Variants in PLEKHA7 observed in about 807,000 individuals in gnomAD.
The protein encoded by PLEKHA7 is pleckstrin homology domain-containing family A member 7.
In PLEKHA7, 104 loss-of-function variants were observed where a neutral mutation model predicts 170.0. The observed-to-expected ratio is 0.61, with a 90% CI of 0.52 to 0.72. The LOEUF is 0.72. Among genes scored for constraint, PLEKHA7 ranks in the 30% least tolerant of loss-of-function variants. The probability of loss-of-function intolerance (pLI) is 0.00; values close to 1 mark genes in which losing one functional copy is unlikely to be tolerated. For missense variants in PLEKHA7, 1,615 were observed against 1,671.7 expected, an observed-to-expected ratio of 0.97 and a Z score of 0.59; for synonymous variants, 648 against 660.8, an observed-to-expected ratio of 0.98 and a Z score of 0.30.
chr11:16,883,032 C>T (rs1855826969), intron 3 of PLEKHA7, among the ~76,000 whole-genome samples: 1 of 152,040 alleles, frequency 6.6e-6, no homozygotes, highest in Non-Finnish European at 1.5e-5. Flanking sequence ...AGTCAAGGGC[C>T]GTTCTAAGAT....
rs1331945727 is a variant in PLEKHA7, at chr11:16,851,256, A to G, written c.631T>C (p.Leu211=). 6.2e-7 allele frequency: 1 copy of G among 1,612,108 alleles called. No individual in the cohort carries two copies. The highest frequency in any genetic ancestry group is 2.2e-5 in the East Asian group (1 of 44,816). ...REEAVLGSIP[L]PSYVISPVAP... is the part of the protein sequence containing the mutation. The stretch of plus-strand genomic sequence containing the variant: ...ACAGGAGAGATCACGTAGCTGGGCA[A>G]GGGGATGCTCCCGAGGACCGCTTCT... The change falls in exon 8 of 27, where the codon TTG becomes CTG. Residue 211 remains leucine, a synonymous_variant. Coordinates refer to ENST00000531066, the MANE Select transcript of PLEKHA7 (RefSeq NM_001329630.2).
intron 3 of PLEKHA7, among the ~76,000 whole-genome samples, chr11:16,926,771 G>T (rs1859577747): frequency 2.0e-5 from 3 of 152,178 alleles, no homozygotes; most frequent in Admixed American, 6.5e-5. Flanking sequence ...GGCACATCTG[G>T]GCTTTTATCC....
At chr11:16,801,922 G>A in intron 15 of PLEKHA7, 105 bp from the exon 16 acceptor site, 1 of 1,416,648 alleles carries the variant, frequency 7.1e-7, no homozygotes, top group Non-Finnish European at 9.7e-7. Flanking sequence ...CAAGGCCGAA[G>A]GGATCAGCGC....
intron 4 of PLEKHA7, among the ~76,000 whole-genome samples, chr11:16,862,398 C>T (rs1199460338): frequency 6.6e-6 from 1 of 152,178 alleles, no homozygotes; most frequent in Admixed American, 6.5e-5. Flanking sequence ...TTTGGTGAGC[C>T]CTCTTCTAGC....
chr11:16,943,760 G>A (rs1426635697), intron 3 of PLEKHA7, among the ~76,000 whole-genome samples: 2 of 152,102 alleles, frequency 1.3e-5, no homozygotes, highest in Non-Finnish European at 1.5e-5. Context: ...CCTGAGACAC[G>A]AAGAACCTTC....
At chr11:16,974,332 C>T (rs1862920501) in intron 3 of PLEKHA7, among the ~76,000 whole-genome samples, 1 of 146,468 alleles carries the variant, frequency 6.8e-6, no homozygotes, top group Non-Finnish European at 1.5e-5. Context: ...ACCACAATTT[C>T]GTCATTGGGT....
chr11:16,906,456 G>T (rs112562247), intron 3 of PLEKHA7, among the ~76,000 whole-genome samples: 2 of 139,450 alleles, frequency 1.4e-5, no homozygotes, highest in Non-Finnish European at 1.5e-5. Flanking sequence ...GAGTGCCTGC[G>T]ATTGCAGGCA....
In PLEKHA7 at chr11:16,986,968, C is replaced by T. The variant is rs1012524409; in HGVS notation, c.221+27021G>A. ...ACACCGGCAAGGGCATTTCCAGCCA[C>T]ATTCTCCAGCCAGTCTTACTGCCCA... On this transcript the variant is annotated intron_variant, in intron 3 of 26. Coordinates refer to ENST00000531066, the MANE Select transcript of PLEKHA7 (RefSeq NM_001329630.2). 9.8e-5 allele frequency among the ~76,000 whole-genome samples: 15 copies of T among 152,336 alleles called. No individual in the cohort carries two copies. The South Asian group carries it at 3.1e-3, about 32-fold the overall frequency.
chr11:16,810,272 C>T (rs540167909), intron 13 of PLEKHA7, among the ~76,000 whole-genome samples: 1 of 152,232 alleles, frequency 6.6e-6, no homozygotes, highest in East Asian at 1.9e-4. Flanking sequence ...CTGATTCCAG[C>T]CCTTCCTTCA....
At chr11:16,811,546 C>T (rs1369071608) in intron 13 of PLEKHA7, among the ~76,000 whole-genome samples, 1 of 152,154 alleles carries the variant, frequency 6.6e-6, no homozygotes, top group Non-Finnish European at 1.5e-5. Flanking sequence ...CCCTGTCTGT[C>T]CCCACAGGCT....
chr11:16,948,620 A>C (rs895152291), intron 3 of PLEKHA7, among the ~76,000 whole-genome samples: 1 of 139,926 alleles, frequency 7.1e-6, no homozygotes, highest in African/African-American at 3.0e-5. Flanking sequence ...ACATGCACAC[A>C]CATGTGCACA....
At chr11:16,906,671 G>A (rs1197273932) in intron 3 of PLEKHA7, among the ~76,000 whole-genome samples, 3 of 139,396 alleles carry the variant, frequency 2.2e-5, no homozygotes, top group African/African-American at 9.4e-5. Flanking sequence ...ATCTCGGCTC[G>A]CTACAACCTC....
intron 3 of PLEKHA7, among the ~76,000 whole-genome samples, chr11:16,896,143 A>G (rs1324608024): frequency 6.6e-6 from 1 of 152,148 alleles, no homozygotes; most frequent in Non-Finnish European, 1.5e-5. Context: ...AGAGTCCCAG[A>G]TCCCTATATC....
rs754411932 is a variant in PLEKHA7 at position 16,801,795 on chromosome 11, T to A, written c.2180A>T (p.Glu727Val). 6.2e-7 allele frequency: 1 copy of A among 1,614,016 alleles called. No homozygotes were observed. Among genetic ancestry groups the A allele is most frequent in the South Asian group, 1.1e-5 (1 of 91,078 alleles). Residue 727 changes from glutamate to valine, a missense_variant, in exon 16 of 27, where the codon GAG (glutamate) becomes GTG (valine). By Grantham distance (121) the Glu-to-Val change is moderately radical. Transcript: ENST00000531066. ...ENKDQLESVL[E>V]VLHRQMEQYR... The stretch of plus-strand genomic sequence containing the variant: ...CTGCTCCATCTGTCTGTGCAACACC[T>A]CCAGCACAGATTCTAGCTGGTCCTG...
intron 3 of PLEKHA7, among the ~76,000 whole-genome samples, chr11:16,967,706 C>T (rs534940598): frequency 6.6e-6 from 1 of 152,296 alleles, no homozygotes; most frequent in Non-Finnish European, 1.5e-5. Flanking sequence ...CAGGTGCACT[C>T]CAAACCAGCT....
chr11:16,957,143 T>C (rs1861748242), intron 3 of PLEKHA7, among the ~76,000 whole-genome samples: 1 of 152,246 alleles, frequency 6.6e-6, no homozygotes, highest in Admixed American at 6.5e-5. Context: ...AGGGGTTTAC[T>C]TCACAACCAC....
At chr11:16,855,043 A>G (rs757317980) in intron 5 of PLEKHA7, 50 bp from the exon 6 acceptor site, 10 of 1,520,204 alleles carry the variant, frequency 6.6e-6, no homozygotes, top group Middle Eastern at 1.7e-4. Context: ...AAGGTGACAC[A>G]AAAAAGCACT....
At chr11:16,906,808 T>C (rs1181192098) in intron 3 of PLEKHA7, among the ~76,000 whole-genome samples, 12 of 132,612 alleles carry the variant, frequency 9.0e-5, no homozygotes, top group African/African-American at 2.8e-4. Flanking sequence ...GTGAGGAGCC[T>C]CTCTGCCTGG....
At chr11:16,879,366 T>C (rs938319815) in intron 3 of PLEKHA7, among the ~76,000 whole-genome samples, 7 of 152,124 alleles carry the variant, frequency 4.6e-5, no homozygotes, top group African/African-American at 1.7e-4. Flanking sequence ...ACACATCACC[T>C]TCAGGGAGAG....
Sources: gnomAD v4.1 joint callset for allele counts (sites outside exome capture counted in the v4.1 genomes callset) on GRCh38, gnomAD v4.1.1 for gene constraint, MANE v1.5 for transcripts, NCBI Gene and HGNC (gene_info 2026-07-23, HGNC 2026-07-21) for gene names.